Variants in AFF1 observed in about 807,000 individuals in gnomAD.
The protein encoded by AFF1 is ALF transcription elongation factor 1.
In AFF1, 48 loss-of-function variants were observed where a neutral mutation model predicts 121.7. That is an observed-to-expected ratio of 0.39 (90% CI 0.31 to 0.50). AFF1 has a LOEUF of 0.50. AFF1 is among the 20% of genes least tolerant of loss of function. The pLI is 0.76. For missense variants in AFF1, 1,523 were observed against 1,511.7 expected, an observed-to-expected ratio of 1.01 and a Z score of -0.12; for synonymous variants, 613 against 563.0, an observed-to-expected ratio of 1.09 and a Z score of -1.26.
At chr4:86,963,130 T>TA (rs1722266327) in intron 2 of AFF1, among the ~76,000 whole-genome samples, 1 of 126,250 alleles carries the variant, frequency 7.9e-6, no homozygotes, top group East Asian at 2.3e-4. Context: ...CACACTACTG[T>TA]ACTCCAGCCT....
chr4:86,979,231 G>A (rs1417837539), intron 2 of AFF1, among the ~76,000 whole-genome samples: 1 of 152,134 alleles, frequency 6.6e-6, no homozygotes, highest in Non-Finnish European at 1.5e-5. Flanking sequence ...CCGAGTAGCT[G>A]GGATTACAGG....
intron 2 of AFF1, among the ~76,000 whole-genome samples, chr4:87,041,867 T>C (rs756211611): frequency 1.3e-5 from 2 of 151,928 alleles, no homozygotes; most frequent in Non-Finnish European, 2.9e-5. Context: ...ATACAAAAAT[T>C]AGCCAGGCGT....
intron 2 of AFF1, among the ~76,000 whole-genome samples, chr4:87,025,111 T>G (rs1728397021): frequency 6.6e-6 from 1 of 152,166 alleles, no homozygotes; most frequent in African/African-American, 2.4e-5. Context: ...GTGTTTAGTA[T>G]TGAGTTATCT....
At chr4:86,935,832 C>A (rs1334273154) in intron 1 of AFF1, 1 of 152,122 alleles carries the variant, frequency 6.6e-6, no homozygotes, top group East Asian at 1.9e-4. Flanking sequence ...GGAGAGGCGT[C>A]TTTAGTATGG....
intron 2 of AFF1, among the ~76,000 whole-genome samples, chr4:86,968,409 C>A (rs1281013503): frequency 6.6e-6 from 1 of 151,988 alleles, no homozygotes; most frequent in Non-Finnish European, 1.5e-5. Context: ...CTTTTTGTCT[C>A]CCTGGATTTA....
chr4:87,038,486 G>C (rs763974432), intron 2 of AFF1, among the ~76,000 whole-genome samples: 1 of 152,318 alleles, frequency 6.6e-6, no homozygotes, highest in Middle Eastern at 3.4e-3. Context: ...ATGTTAGATG[G>C]TAGGAATAGG....
intron 4 of AFF1, among the ~76,000 whole-genome samples, chr4:87,069,375 C>T (rs1414626376): frequency 6.9e-6 from 1 of 144,190 alleles, no homozygotes; most frequent in Non-Finnish European, 1.5e-5. Flanking sequence ...CTCCCTCCCT[C>T]TCCTTCTGTC....
intron 7 of AFF1, among the ~76,000 whole-genome samples, chr4:87,094,619 G>C (rs940506411): frequency 6.6e-6 from 1 of 152,174 alleles, no homozygotes; most frequent in Non-Finnish European, 1.5e-5. Context: ...GCTTCCATGT[G>C]GGCCTCCACC....
rs138356832 is a variant in AFF1 at position 87,077,951 on chromosome 4, C to T, written c.1060-6169C>T. ...TTGCAAACTAGGCTGAAGTGAATAA[C>T]TTTGTACATATTTTTTTTGTACATG... On this transcript the variant is annotated intron_variant, in intron 4 of 20. Transcript: ENST00000395146. Among the ~76,000 whole-genome samples, 468 of 152,220 alleles carry T rather than the reference C, an allele frequency of 3.1e-3. 3 individuals are homozygous for T. Among genetic ancestry groups the T allele is most frequent in the African/African-American group, 0.011 (448 of 41,546 alleles).
chr4:87,070,839 T>G (rs1721958712), intron 4 of AFF1, among the ~76,000 whole-genome samples: 3 of 152,364 alleles, frequency 2.0e-5, no homozygotes, highest in African/African-American at 7.2e-5. Flanking sequence ...GTGATCTGTC[T>G]ATATTTGTAG....
chr4:87,051,832 T>C (rs1478199443), intron 4 of AFF1, among the ~76,000 whole-genome samples: 1 of 152,158 alleles, frequency 6.6e-6, no homozygotes, highest in Non-Finnish European at 1.5e-5. Flanking sequence ...ATGATACAGC[T>C]GAGATCAAGG....
chr4:87,089,377 A>G (rs924476068), intron 5 of AFF1, among the ~76,000 whole-genome samples: 5 of 152,212 alleles, frequency 3.3e-5, no homozygotes, highest in African/African-American at 1.2e-4. Context: ...CAACTGAGAA[A>G]ATTGTAAAAA....
chr4:87,126,898 A>G (rs1728302274), intron 14 of AFF1, 128 bp from the exon 15 acceptor site: 1 of 761,344 alleles, frequency 1.3e-6, no homozygotes, highest in African/African-American at 1.7e-5. Flanking sequence ...TAGCCAGGGT[A>G]GATTGTGCAT....
rs202190915 is a variant in AFF1 at position 87,046,877 on chromosome 4, C to T, written c.342C>T (p.Phe114=). 1.2e-5 allele frequency: 19 copies of T among 1,614,230 alleles called. No homozygotes were observed. In the Admixed American group the frequency reaches 3.2e-4, roughly 27 times the overall value. ...GGAGCAGCATTCCATCCAGCTCCTTCCACACTAGTGTCCACCACCAGTCCA... is the reference window on the plus strand; with the variant it reads ...GGAGCAGCATTCCATCCAGCTCCTTTCACACTAGTGTCCACCACCAGTCCA... The part of the protein sequence containing the change: ...DKGSSIPSSS[F]HTSVHHQSIH... Residue 114 remains phenylalanine, a synonymous_variant, in exon 4 of 21, where the codon TTC becomes TTT. Coordinates refer to ENST00000395146, the MANE Select transcript of AFF1 (RefSeq NM_001166693.3).
intron 2 of AFF1, among the ~76,000 whole-genome samples, chr4:87,019,605 GAGCTTCTGGAT>G (rs1727676793): frequency 6.6e-6 from 1 of 152,220 alleles, no homozygotes; most frequent in Non-Finnish European, 1.5e-5. Flanking sequence ...GGTCTCCAGA[GAGCTTCTGGAT>G]AGCTGAGCAT....
intron 2 of AFF1, among the ~76,000 whole-genome samples, chr4:87,033,132 C>T (rs748431002): frequency 5.9e-5 from 9 of 152,136 alleles, no homozygotes; most frequent in Admixed American, 6.5e-5. Context: ...GATAGTGAGA[C>T]CCTGTCTCAA....
At chr4:87,026,286 G>A (rs1578094659) in intron 2 of AFF1, among the ~76,000 whole-genome samples, 1 of 152,140 alleles carries the variant, frequency 6.6e-6, no homozygotes, top group Admixed American at 6.5e-5. Flanking sequence ...TAGTAGAGAT[G>A]GGGTTTTGCC....
At chr4:87,007,496 A>AG in intron 2 of AFF1, 2 of 1,557,736 alleles carry the variant, frequency 1.3e-6, no homozygotes, top group Non-Finnish European at 1.8e-6. Context: ...GGGGGAGGGC[A>AG]GGGTGCGGGG....
chr4:87,108,969 A>G (rs904230145), intron 11 of AFF1, among the ~76,000 whole-genome samples: 1 of 152,230 alleles, frequency 6.6e-6, no homozygotes, highest in Non-Finnish European at 1.5e-5. Context: ...AAATAAATCT[A>G]GAGGATTTAT....
Sources: gnomAD v4.1 joint callset for allele counts (sites outside exome capture counted in the v4.1 genomes callset) on GRCh38, gnomAD v4.1.1 for gene constraint, MANE v1.5 for transcripts, NCBI Gene and HGNC (gene_info 2026-07-23, HGNC 2026-07-21) for gene names.